Variants in WWOX observed in about 807,000 individuals in gnomAD.
The protein encoded by WWOX is WW domain-containing oxidoreductase.
A neutral mutation model predicts 46.2 loss-of-function variants in WWOX; 69 were observed. The ratio of observed to expected loss-of-function variants is 1.49; its 90% CI spans 1.23 to 1.82. WWOX has a LOEUF of 1.82. Ranked by LOEUF, WWOX falls within the 40% of genes most tolerant of loss-of-function variation. The probability of loss-of-function intolerance (pLI) is 0.00; values close to 1 mark genes in which losing one functional copy is unlikely to be tolerated. For synonymous variants in WWOX, 359 were observed against 202.6 expected, an observed-to-expected ratio of 1.77 and a Z score of -6.56; for missense variants, 919 against 542.6, an observed-to-expected ratio of 1.69 and a Z score of -6.89.
At chr16:78,797,188 G>A (rs1377277704) in intron 8 of WWOX, among the ~76,000 whole-genome samples, 2 of 151,978 alleles carry the variant, frequency 1.3e-5, no homozygotes, top group East Asian at 1.9e-4. Flanking sequence ...CATTGGATGT[G>A]GAAGAAATGA....
chr16:78,595,229 G>C (rs1276280519), intron 8 of WWOX, among the ~76,000 whole-genome samples: 1 of 152,194 alleles, frequency 6.6e-6, no homozygotes, highest in Non-Finnish European at 1.5e-5. Flanking sequence ...ATTCCTGCCA[G>C]CAGGTTTAGC....
At chr16:78,147,702 AAAAAAAG>A (rs1369250868) in intron 4 of WWOX, among the ~76,000 whole-genome samples, 1 of 102,564 alleles carries the variant, frequency 9.8e-6, no homozygotes, top group Non-Finnish European at 2.2e-5. Flanking sequence ...TTTTTAAAAA[AAAAAAAG>A]GTGCTTGAAT....
At chr16:79,084,823 G>A (rs1168768207) in intron 8 of WWOX, among the ~76,000 whole-genome samples, 1 of 152,158 alleles carries the variant, frequency 6.6e-6, no homozygotes, top group Non-Finnish European at 1.5e-5. Context: ...ACATAAAGTA[G>A]GACATGTATT....
intron 8 of WWOX, among the ~76,000 whole-genome samples, chr16:78,908,266 A>C (rs1209644551): frequency 6.6e-6 from 1 of 152,078 alleles, no homozygotes; most frequent in East Asian, 1.9e-4. Flanking sequence ...AGGTCCAGGC[A>C]CGGTGGCTCA....
chr16:78,715,906 A>T (rs2048550448), intron 8 of WWOX, among the ~76,000 whole-genome samples: 1 of 152,192 alleles, frequency 6.6e-6, no homozygotes, highest in African/African-American at 2.4e-5. Flanking sequence ...GATACGATGG[A>T]AGCCTGCCAG....
intron 6 of WWOX, among the ~76,000 whole-genome samples, chr16:78,409,158 G>C (rs2082615943): frequency 6.6e-6 from 1 of 152,120 alleles, no homozygotes; most frequent in African/African-American, 2.4e-5. Flanking sequence ...GGTAGGATGT[G>C]ATCAGTGCTT....
At chr16:78,805,291 C>T (rs540819545) in intron 8 of WWOX, among the ~76,000 whole-genome samples, 7 of 152,240 alleles carry the variant, frequency 4.6e-5, no homozygotes, top group African/African-American at 1.4e-4. Context: ...CTCACCCTGT[C>T]GCCCAGGCTC....
intron 8 of WWOX, among the ~76,000 whole-genome samples, chr16:78,914,656 G>C (rs1312444800): frequency 6.6e-6 from 1 of 151,782 alleles, no homozygotes; most frequent in African/African-American, 2.4e-5. Flanking sequence ...GAGGCGGGCA[G>C]ATCACGAGGT....
chr16:78,601,584 A>G (rs1476282064), intron 8 of WWOX, among the ~76,000 whole-genome samples: 3 of 152,248 alleles, frequency 2.0e-5, no homozygotes, highest in African/African-American at 7.2e-5. Flanking sequence ...AAGGGGAAGA[A>G]ATAGCTTTAC....
chr16:78,521,597 G>A (rs568142561), intron 8 of WWOX, among the ~76,000 whole-genome samples: 11 of 152,256 alleles, frequency 7.2e-5, no homozygotes, highest in South Asian at 6.2e-4. Flanking sequence ...AATTAAATAC[G>A]CTAATATATA....
At chr16:79,050,983 C>G (rs180936968) in intron 8 of WWOX, among the ~76,000 whole-genome samples, 3 of 152,322 alleles carry the variant, frequency 2.0e-5, no homozygotes, top group Admixed American at 1.3e-4. Flanking sequence ...CTTGTGAACA[C>G]AAGACACTGA....
intron 8 of WWOX, among the ~76,000 whole-genome samples, chr16:78,917,304 A>G (rs2045274775): frequency 6.6e-6 from 1 of 152,204 alleles, no homozygotes; most frequent in African/African-American, 2.4e-5. Context: ...TTCGTTATCA[A>G]AAGAAGAGAG....
At chr16:78,876,874 C>T (rs1057483999) in intron 8 of WWOX, among the ~76,000 whole-genome samples, 1 of 152,096 alleles carries the variant, frequency 6.6e-6, no homozygotes, top group African/African-American at 2.4e-5. Flanking sequence ...TAGTTTGGGG[C>T]ATAAAATAAG....
At chr16:78,368,641 A>T (rs114104811) in intron 5 of WWOX, among the ~76,000 whole-genome samples, 1 of 152,332 alleles carries the variant, frequency 6.6e-6, no homozygotes, top group African/African-American at 2.4e-5. Context: ...CATGCATGCC[A>T]TCGTGAAGTG....
intron 8 of WWOX, among the ~76,000 whole-genome samples, chr16:78,968,490 C>T (rs1445770104): frequency 1.3e-5 from 2 of 152,170 alleles, no homozygotes; most frequent in Non-Finnish European, 2.9e-5. Context: ...ATCGTGGATG[C>T]AATTATGTTT....
At chr16:78,558,757 G>A (rs1169783419) in intron 8 of WWOX, among the ~76,000 whole-genome samples, 1 of 152,314 alleles carries the variant, frequency 6.6e-6, no homozygotes, top group South Asian at 2.1e-4. Flanking sequence ...GGAAAGGCCT[G>A]GCCTTTGTGT....
At chr16:78,958,206 C>T (rs533366115) in intron 8 of WWOX, among the ~76,000 whole-genome samples, 3 of 152,330 alleles carry the variant, frequency 2.0e-5, no homozygotes, top group South Asian at 4.1e-4. Context: ...CTGACTTAAA[C>T]ACTCAGCTCC....
rs538333006 is a variant in WWOX, at chr16:78,358,262, A to G, written c.517-28598A>G. 1.4e-4 allele frequency among the ~76,000 whole-genome samples: 22 copies of G among 152,362 alleles called. No individual in the cohort carries two copies. The South Asian group carries it at 4.3e-3, about 30-fold the overall frequency. ...CTGTCATCAGTAAATTCATTCATGT[A>G]TGTTATACACTCACATACAAAACGT... On this transcript the variant is annotated intron_variant, in intron 5 of 8. Coordinates refer to ENST00000566780, the MANE Select transcript of WWOX (RefSeq NM_016373.4).
chr16:78,759,934 A>C (rs924736527), intron 8 of WWOX, among the ~76,000 whole-genome samples: 1 of 151,954 alleles, frequency 6.6e-6, no homozygotes, highest in Non-Finnish European at 1.5e-5. Flanking sequence ...TGCTTTCACT[A>C]TCCCTTCTTT....
Sources: allele counts gnomAD v4.1 joint callset (sites outside exome capture counted in the v4.1 genomes callset), GRCh38; gene constraint gnomAD v4.1.1; transcripts MANE v1.5; gene names NCBI Gene and HGNC (gene_info 2026-07-23, HGNC 2026-07-21).